Variants in MCM3 observed in about 807,000 individuals in gnomAD.
MCM3 encodes the protein DNA replication licensing factor MCM3.
In MCM3, 59 loss-of-function variants were observed where a neutral mutation model predicts 91.3. The observed-to-expected ratio is 0.65, with a 90% CI of 0.52 to 0.80. MCM3 has a LOEUF of 0.80. MCM3 is among the 30% of genes least tolerant of loss of function. The pLI is 0.00. For missense variants in MCM3, 919 were observed against 1,035.4 expected, an observed-to-expected ratio of 0.89 and a Z score of 1.54; for synonymous variants, 383 against 379.6, an observed-to-expected ratio of 1.01 and a Z score of -0.10.
chr6:52,264,718 T>C lies in MCM3; in HGVS notation c.2297A>G (p.Asn766Ser). The C allele has an allele frequency of 6.2e-7, 1 of 1,614,148 alleles. No homozygotes were observed. Among genetic ancestry groups the C allele is most frequent in the Non-Finnish European group, 8.5e-7 (1 of 1,180,026 alleles). ...REAHAQSIGM[N>S]RLTESINRDS... The stretch of plus-strand genomic sequence containing the variant: ...CCGGTTGATGGATTCTGTGAGGCGA[T>C]TCATGCCGATTGACTGCGCATGAGC... The change falls in exon 17 of 17, where the codon AAT becomes AGT. Residue 766 changes from asparagine to serine, a missense_variant. Asn to Ser is a conservative substitution (Grantham distance 46). This residue lies in a region of MCM3 where 285 missense variants were observed against 311.4 expected (regional missense o/e 0.92). Transcript: ENST00000596288.
chr6:52,283,772 T>A (rs899535790), intron 1 of MCM3, among the ~76,000 whole-genome samples: 1 of 152,258 alleles, frequency 6.6e-6, no homozygotes, highest in African/African-American at 2.4e-5. Context: ...CCTAGCAATG[T>A]GAATGTTAAA....
rs1166757524 is a variant in MCM3, at chr6:52,277,092, A to G, written c.1140T>C (p.Ala380=). 3 of 1,613,942 alleles carry G rather than the reference A, an allele frequency of 1.9e-6. No homozygotes were observed. The highest frequency in any genetic ancestry group is 2.2e-5 in the South Asian group (2 of 91,084). Residue 380 remains alanine (A), a synonymous_variant, in exon 8 of 17, where the codon GCT becomes GCC. Coordinates refer to ENST00000596288, the MANE Select transcript of MCM3 (RefSeq NM_002388.6). ...GRGSSGVGLT[A]AVTTDQETGE... is the part of the protein sequence containing the mutation. ...CTGTTTCCTGGTCTGTGGTGACAGCAGCCGTCAGACCCACTCCAGAGGAGC... is the reference window on the plus strand; with the variant it reads ...CTGTTTCCTGGTCTGTGGTGACAGCGGCCGTCAGACCCACTCCAGAGGAGC...
chr6:52,282,250 G>C (rs935120772), intron 3 of MCM3, 75 bp from the exon 4 acceptor site: 2 of 1,343,914 alleles, frequency 1.5e-6, no homozygotes, highest in Non-Finnish European at 2.1e-6. Context: ...ACATATGCAA[G>C]CCTATAATGA....
chr6:52,272,311 T>C lies in MCM3; in HGVS notation c.1817A>G (p.Asp606Gly). 2 of 1,614,138 alleles carry C rather than the reference T, an allele frequency of 1.2e-6. No individual in the cohort carries two copies. The highest frequency in any genetic ancestry group is 8.5e-7 in the Non-Finnish European group (1 of 1,180,006). The change falls in exon 12 of 17, where the codon GAC (aspartate) becomes GGC (glycine). Residue 606 changes from aspartate to glycine, a missense_variant. Asp to Gly is a moderately conservative substitution (Grantham distance 94). Around this residue, in one of 3 missense-constraint regions of MCM3, gnomAD observed 285 missense variants for 311.4 expected, o/e 0.92. Transcript: ENST00000596288. ...CCCCCAGGCACTCACCCTGGCGGTG[T>C]CTGAGCTCATGCTATCCTGGCTGCG... ...RLRSQDSMSS[D>G]TARTSPVTAR...
At chr6:52,266,179 A>G (rs781060757) in intron 15 of MCM3, 35 bp from the exon 16 acceptor site, 24 of 1,536,696 alleles carry the variant, frequency 1.6e-5, no homozygotes, top group South Asian at 1.0e-4. Context: ...GATGGGGAAG[A>G]TAAGCAAGGT....
At chr6:52,276,017 A>G in intron 9 of MCM3, 1 of 454,680 alleles carries the variant, frequency 2.2e-6, no homozygotes, top group Non-Finnish European at 3.9e-6. Flanking sequence ...GGACGGTTAA[A>G]TATGTTAAAT....
At chr6:52,267,817 A>G (rs369367117) in intron 14 of MCM3, 48 bp downstream of exon 14, 116 of 772,042 alleles carry the variant, frequency 1.5e-4, no homozygotes, top group Admixed American at 5.4e-4. Context: ...TGCACCCCCA[A>G]CTTCTTGGCC....
At position 52,267,911 on chromosome 6, in the gene MCM3, C is replaced by T. The variant is rs537125531; in HGVS notation, c.2026G>A (p.Asp676Asn). 3 of 1,495,676 alleles carry T rather than the reference C, an allele frequency of 2.0e-6. No individual in the cohort carries two copies. Among genetic ancestry groups the T allele is most frequent in the African/African-American group, 2.8e-5 (2 of 72,502 alleles). The allele number at this position is 1,495,676 out of a possible 1,614,324, so 92.7% of individuals were successfully genotyped here. ...TCCTCTTGGCTTTTCTCCTCTTCAT[C>T]TTCTGTCTCTGATTCATCCTCACTT... is the stretch of plus-strand genomic sequence containing the variant. ...KRSEDESETEDEEEKSQEDQE... is the reference protein window; with the variant it reads ...KRSEDESETENEEEKSQEDQE... The change falls in exon 14 of 17, where the codon GAT (aspartate) becomes AAT (asparagine). Residue 676 changes from aspartate to asparagine, a missense_variant. Transcript: ENST00000596288.
In MCM3 at chr6:52,264,300, T is replaced by C. The variant is rs1764466762; in HGVS notation, c.*288A>G. The C allele has an allele frequency of 2.7e-6, 1 of 368,024 alleles. No homozygotes were observed. Among genetic ancestry groups the C allele is most frequent in the African/African-American group, 2.1e-5 (1 of 48,366 alleles). The allele number at this position is 368,024 out of a possible 1,614,324, so 22.8% of individuals were successfully genotyped here. ...AAGTCATATGTTATTTACAATTGGG[T>C]TTGTGTGGGATGGGAAGTAGGGCGG... On this transcript the variant is annotated 3_prime_UTR_variant, in exon 17 of 17. Transcript: ENST00000596288.
chr6:52,273,295 T>C lies in MCM3; in HGVS notation c.1611A>G (p.Glu537=), dbSNP rs1765283111. The change falls in exon 11 of 17, where the codon GAA becomes GAG. Residue 537 remains glutamate (E), a synonymous_variant. Transcript: ENST00000596288. ...LATDDPNFSQ[E]DQQDTQIYEK... ...CATAAATCTGGGTGTCCTGCTGATC[T>C]TCCTGGCTAAAGTTGGGATCATCTG... 1 of 1,614,100 alleles carries C rather than the reference T, an allele frequency of 6.2e-7. No homozygotes were observed. The highest frequency in any genetic ancestry group is 8.5e-7 in the Non-Finnish European group (1 of 1,180,034).
chr6:52,276,981 T>C (rs2128281092), intron 8 of MCM3, 86 bp downstream of exon 8: 7 of 1,499,100 alleles, frequency 4.7e-6, no homozygotes, highest in Non-Finnish European at 6.3e-6. Context: ...CTATCAGCTG[T>C]ATCTTCAGAA....
chr6:52,279,472 A>G lies in MCM3; in HGVS notation c.659T>C (p.Ile220Thr), dbSNP rs1361294025. 4.3e-6 allele frequency: 7 copies of G among 1,614,064 alleles called. No homozygotes were observed. Among genetic ancestry groups the G allele is most frequent in the Non-Finnish European group, 5.9e-6 (7 of 1,180,032 alleles). ...AGQLPRSVDV[I>T]LDDDLVDKAK... ...TTTATCCACCAAGTCATCATCCAGA[A>G]TGACGTCCACAGAGCGGGGGAGCTG... The change falls in exon 5 of 17, where the codon ATT becomes ACT. Residue 220 changes from isoleucine (I) to threonine (T), a missense_variant. This residue lies in a region of MCM3 where 401 missense variants were observed against 402.7 expected (regional missense o/e 1.00). Transcript: ENST00000596288.
At position 52,277,551 on chromosome 6, in the gene MCM3, G is replaced by A; in HGVS notation, c.1017C>T (p.Ile339=). ...ACATCGTACCTATTAGAAGAATATT[G>A]ATGTCCCCACGGATGTGGCTGCCAT... The part of the protein sequence containing the change: ...LENGSHIRGD[I]NILLIGDPSV... Residue 339 remains isoleucine (I), a synonymous_variant, in exon 7 of 17, where the codon ATC becomes ATT. Coordinates refer to ENST00000596288, the MANE Select transcript of MCM3 (RefSeq NM_002388.6). 2 of 1,613,630 alleles carry A rather than the reference G, an allele frequency of 1.2e-6. No individual in the cohort carries two copies. Among genetic ancestry groups the A allele is most frequent in the Non-Finnish European group, 1.7e-6 (2 of 1,179,858 alleles).
chr6:52,275,251 T>A (rs1019393907), intron 9 of MCM3, among the ~76,000 whole-genome samples: 6 of 152,196 alleles, frequency 3.9e-5, no homozygotes, highest in African/African-American at 1.2e-4. Context: ...GGTGTTCCCA[T>A]ACACTGTGGG....
Position 52,282,631 on chromosome 6 carries a change from C to T in MCM3, c.400+22G>A, listed in dbSNP as rs17246233. The T allele has an allele frequency of 1.6e-3, 2,621 of 1,605,504 alleles. 31 individuals are homozygous for T. The African/African-American group carries it at 0.03, about 18-fold the overall frequency. ...TCTCCCTGTCTATTCATTTCCTAAG[C>T]GGCCCCCTTTAACCCACTTACATTT... On this transcript the variant is annotated intron_variant, in intron 3 of 16. Transcript: ENST00000596288.
At chr6:52,280,543 G>A (rs1259977777) in intron 4 of MCM3, among the ~76,000 whole-genome samples, 1 of 152,208 alleles carries the variant, frequency 6.6e-6, no homozygotes, top group Non-Finnish European at 1.5e-5. Context: ...TTAAGTAGCA[G>A]AGTCTTGACT....
intron 16 of MCM3, chr6:52,265,286 C>T (rs1028889867): frequency 4.5e-6 from 2 of 441,720 alleles, no homozygotes; most frequent in Non-Finnish European, 9.2e-6. Context: ...AGCACAGTGG[C>T]TTATGCCTGT....
chr6:52,268,603 A>G (rs1448082273), intron 13 of MCM3, among the ~76,000 whole-genome samples: 2 of 152,182 alleles, frequency 1.3e-5, no homozygotes, highest in African/African-American at 4.8e-5. Flanking sequence ...ACAGAGGTGC[A>G]ATGTCACAAA....
At chr6:52,278,404 A>G (rs1765777535) in intron 6 of MCM3, among the ~76,000 whole-genome samples, 3 of 152,220 alleles carry the variant, frequency 2.0e-5, no homozygotes, top group South Asian at 2.1e-4. Context: ...TTGGAGAACT[A>G]AAACAAAGAA....
Sources: gnomAD v4.1 joint callset for allele counts (sites outside exome capture counted in the v4.1 genomes callset) on GRCh38, gnomAD v4.1.1 for gene constraint, gnomAD v4.1.1 regional missense constraint, MANE v1.5 for transcripts, NCBI Gene and HGNC (gene_info 2026-07-23, HGNC 2026-07-21) for gene names.